Variants in NKAIN3 observed in about 807,000 individuals in gnomAD.
The protein encoded by NKAIN3 is sodium/potassium transporting ATPase interacting 3.
In NKAIN3, 25 loss-of-function variants were observed where a neutral mutation model predicts 30.2. The ratio of observed to expected loss-of-function variants is 0.83; its 90% CI spans 0.60 to 1.16. The LOEUF (loss-of-function observed/expected upper bound fraction) is 1.16, where lower values mean the gene tolerates loss of function less well. Ranked by LOEUF, NKAIN3 falls within the 50% of genes most tolerant of loss-of-function variation. The pLI is 0.00. For missense variants in NKAIN3, 225 were observed against 254.1 expected, an observed-to-expected ratio of 0.89 and a Z score of 0.78; for synonymous variants, 91 against 89.6, an observed-to-expected ratio of 1.02 and a Z score of -0.09.
chr8:62,641,887 A>C (rs1812318145), intron 3 of NKAIN3, among the ~76,000 whole-genome samples: 1 of 152,056 alleles, frequency 6.6e-6, no homozygotes. Context: ...TAATTTCAGA[A>C]ATTTTACCTG....
chr8:62,365,571 C>T (rs1816710025), intron 1 of NKAIN3, among the ~76,000 whole-genome samples: 1 of 152,000 alleles, frequency 6.6e-6, no homozygotes, highest in Admixed American at 6.6e-5. Context: ...AATTTTTATT[C>T]TTATAAACTC....
intron 1 of NKAIN3, among the ~76,000 whole-genome samples, chr8:62,274,172 T>C (rs1304636200): frequency 6.6e-6 from 1 of 152,184 alleles, no homozygotes; most frequent in East Asian, 1.9e-4. Context: ...CTTAAACTTA[T>C]TATTATTTGT....
chr8:62,918,296 G>T (rs975786441), intron 4 of NKAIN3, among the ~76,000 whole-genome samples, 157 bp from the exon 5 acceptor site: 9 of 152,102 alleles, frequency 5.9e-5, no homozygotes, highest in African/African-American at 1.2e-4. Flanking sequence ...AAATGAAAAG[G>T]CTCTTTTAAA....
At position 62,504,647 on chromosome 8, in the gene NKAIN3, A is replaced by G. The variant is rs1278342910; in HGVS notation, c.55-74892A>G. Among the ~76,000 whole-genome samples, 5 of 152,158 alleles carry G rather than the reference A, an allele frequency of 3.3e-5. 1 individual carries two copies. The highest frequency in any genetic ancestry group is 3.3e-4 in the Admixed American group (5 of 15,264). On this transcript the variant is annotated intron_variant, in intron 1 of 6. Coordinates refer to ENST00000623646, the MANE Select transcript of NKAIN3 (RefSeq NM_001304533.3). Reference sequence around the variant, plus strand: ...CCATAAATGGAAAATCAAACCATCCATTATTTCATTATCAGAGTTTTTCTG... The same window carrying G: ...CCATAAATGGAAAATCAAACCATCCGTTATTTCATTATCAGAGTTTTTCTG...
intron 4 of NKAIN3, among the ~76,000 whole-genome samples, chr8:62,857,887 A>AG (rs1820109431): frequency 6.6e-6 from 1 of 152,220 alleles, no homozygotes; most frequent in African/African-American, 2.4e-5. Context: ...TTGCTGCAGA[A>AG]GCACTGTAGT....
At chr8:62,305,026 A>G (rs902018907) in intron 1 of NKAIN3, among the ~76,000 whole-genome samples, 1 of 150,580 alleles carries the variant, frequency 6.6e-6, no homozygotes, top group Non-Finnish European at 1.5e-5. Context: ...GAGAATAATT[A>G]TCAGCTGGTT....
At chr8:62,286,553 G>T (rs772289846) in intron 1 of NKAIN3, among the ~76,000 whole-genome samples, 1 of 152,104 alleles carries the variant, frequency 6.6e-6, no homozygotes, top group Non-Finnish European at 1.5e-5. Flanking sequence ...TAATTTAAAT[G>T]AATAGGTTTC....
intron 1 of NKAIN3, among the ~76,000 whole-genome samples, chr8:62,341,795 G>C (rs1023590362): frequency 6.6e-6 from 1 of 151,962 alleles, no homozygotes; most frequent in African/African-American, 2.4e-5. Context: ...AGACCCATGA[G>C]GTTCATTGTG....
At chr8:62,597,180 A>T (rs1330360253) in intron 3 of NKAIN3, among the ~76,000 whole-genome samples, 1 of 152,024 alleles carries the variant, frequency 6.6e-6, no homozygotes, top group African/African-American at 2.4e-5. Context: ...GGACTCCTAG[A>T]GCTATTCCTG....
At chr8:62,281,134 T>G (rs1283920947) in intron 1 of NKAIN3, among the ~76,000 whole-genome samples, 1 of 152,204 alleles carries the variant, frequency 6.6e-6, no homozygotes, top group Non-Finnish European at 1.5e-5. Context: ...TTCATCAATT[T>G]CTTCTAGATT....
At chr8:62,271,892 C>G (rs1812788944) in intron 1 of NKAIN3, among the ~76,000 whole-genome samples, 1 of 152,096 alleles carries the variant, frequency 6.6e-6, no homozygotes, top group African/African-American at 2.4e-5. Context: ...CACTTGCCTC[C>G]ATGTTGCGGT....
chr8:62,917,969 T>G (rs1335413284), intron 4 of NKAIN3, among the ~76,000 whole-genome samples: 1 of 152,228 alleles, frequency 6.6e-6, no homozygotes, highest in Non-Finnish European at 1.5e-5. Context: ...CAAAGCAATT[T>G]AGTATCCAAA....
At chr8:62,277,986 C>A (rs1813021338) in intron 1 of NKAIN3, among the ~76,000 whole-genome samples, 1 of 152,134 alleles carries the variant, frequency 6.6e-6, no homozygotes, top group Non-Finnish European at 1.5e-5. Context: ...GTACAGCAGT[C>A]TTGCTAACAT....
At chr8:62,331,476 G>A (rs983355473) in intron 1 of NKAIN3, among the ~76,000 whole-genome samples, 2 of 152,120 alleles carry the variant, frequency 1.3e-5, no homozygotes, top group Non-Finnish European at 2.9e-5. Context: ...CACCGTCAGC[G>A]TAGTGTCTTG....
chr8:62,323,916 C>T (rs192639367), intron 1 of NKAIN3, among the ~76,000 whole-genome samples: 1 of 151,774 alleles, frequency 6.6e-6, no homozygotes, highest in Admixed American at 6.6e-5. Flanking sequence ...ATTAGGGGCA[C>T]AATAAAACGA....
intron 4 of NKAIN3, among the ~76,000 whole-genome samples, chr8:62,879,636 G>A (rs1820914550): frequency 6.6e-6 from 1 of 152,160 alleles, no homozygotes; most frequent in South Asian, 2.1e-4. Context: ...CCAAATGTGG[G>A]AGCTTGGTGT....
chr8:62,614,139 G>A (rs1227177014), intron 3 of NKAIN3, among the ~76,000 whole-genome samples: 1 of 151,886 alleles, frequency 6.6e-6, no homozygotes, highest in Non-Finnish European at 1.5e-5. Flanking sequence ...TCATTGTCTG[G>A]GCTTATTTGT....
At chr8:62,319,637 C>A (rs577268846) in intron 1 of NKAIN3, among the ~76,000 whole-genome samples, 1 of 152,118 alleles carries the variant, frequency 6.6e-6, no homozygotes, top group East Asian at 1.9e-4. Flanking sequence ...TGTAGTTGAG[C>A]GGTTTTGAGT....
intron 4 of NKAIN3, among the ~76,000 whole-genome samples, chr8:62,800,812 G>A (rs1213644535): frequency 1.3e-5 from 2 of 152,232 alleles, no homozygotes; most frequent in African/African-American, 4.8e-5. Flanking sequence ...GCAGGGCGAG[G>A]CATTGCCTCA....
Sources: allele counts gnomAD v4.1 joint callset (sites outside exome capture counted in the v4.1 genomes callset), GRCh38; gene constraint gnomAD v4.1.1; transcripts MANE v1.5; gene names NCBI Gene and HGNC (gene_info 2026-07-23, HGNC 2026-07-21).